The following RHBDD1 variants were observed in gnomAD, a reference collection of about 807,000 sequenced individuals.
RHBDD1 encodes rhomboid domain containing 1.
RHBDD1 carries 38 observed loss-of-function variants against 36.3 expected under a neutral mutation model. The observed-to-expected ratio is 1.05, with a 90% CI of 0.81 to 1.37. The LOEUF (loss-of-function observed/expected upper bound fraction) is 1.37. Among genes scored for constraint, RHBDD1 ranks in the 40% most tolerant of loss-of-function variants. The pLI is 0.00. For synonymous variants in RHBDD1, 151 were observed against 136.5 expected, an observed-to-expected ratio of 1.11 and a Z score of -0.74; for missense variants, 393 against 377.6, an observed-to-expected ratio of 1.04 and a Z score of -0.34.
intron 8 of RHBDD1, chr2:226,988,614 C>A (rs1181356267): frequency 9.6e-6 from 13 of 1,351,952 alleles, no homozygotes; most frequent in Non-Finnish European, 1.2e-5. Context: ...AGCTGCCCCT[C>A]CGAGCAGACA....
At chr2:226,833,080 T>G (rs543481499), upstream of RHBDD1, among the ~76,000 whole-genome samples, 1 of 152,258 alleles carries the variant, frequency 6.6e-6, no homozygotes, top group Admixed American at 6.5e-5. Flanking sequence ...GTCTGCATAG[T>G]CTACTGTTAA....
At chr2:226,915,235 G>A (rs1287418670) in intron 8 of RHBDD1, among the ~76,000 whole-genome samples, 1 of 152,138 alleles carries the variant, frequency 6.6e-6, no homozygotes, top group Admixed American at 6.5e-5. Context: ...AGAGGAGATA[G>A]CATTTGAGTT....
At chr2:226,995,219 A>G (rs1481332432) in intron 8 of RHBDD1, among the ~76,000 whole-genome samples, 1 of 152,274 alleles carries the variant, frequency 6.6e-6, no homozygotes, top group Non-Finnish European at 1.5e-5. Flanking sequence ...AAATGAGTCA[A>G]ATCAGATTCA....
intron 8 of RHBDD1, among the ~76,000 whole-genome samples, chr2:226,974,296 G>A (rs892843900): frequency 2.6e-5 from 4 of 151,974 alleles, no homozygotes; most frequent in Admixed American, 6.6e-5. Context: ...GGAGTGCAGT[G>A]GTGTGATCTC....
intron 8 of RHBDD1, among the ~76,000 whole-genome samples, chr2:226,963,568 C>A (rs1952388444): frequency 6.6e-6 from 1 of 152,092 alleles, no homozygotes; most frequent in African/African-American, 2.4e-5. Context: ...TTCATTGATT[C>A]CTTACTTTGT....
chr2:226,983,247 T>A (rs1295723367), intron 8 of RHBDD1, among the ~76,000 whole-genome samples: 1 of 152,060 alleles, frequency 6.6e-6, no homozygotes, highest in Non-Finnish European at 1.5e-5. Flanking sequence ...AACCCTAGAA[T>A]CTGCCTCTCA....
chr2:226,927,976 G>A (rs1949778768), intron 8 of RHBDD1, among the ~76,000 whole-genome samples: 1 of 152,078 alleles, frequency 6.6e-6, no homozygotes, highest in Admixed American at 6.6e-5. Flanking sequence ...ATTTATCAAT[G>A]TGTCAAGCAT....
chr2:226,907,581 T>G (rs1948161314), intron 6 of RHBDD1, among the ~76,000 whole-genome samples: 1 of 149,412 alleles, frequency 6.7e-6, no homozygotes, highest in South Asian at 2.1e-4. Flanking sequence ...ATGGGAAGTC[T>G]TCTGAGACTA....
chr2:226,939,079 C>T (rs975050612), intron 8 of RHBDD1, among the ~76,000 whole-genome samples: 5 of 152,100 alleles, frequency 3.3e-5, no homozygotes, highest in East Asian at 1.9e-4. Context: ...AATTCAACAT[C>T]GCTTCATGTT....
chr2:226,879,072 CAAAAAAA>C (rs916415771), intron 5 of RHBDD1, among the ~76,000 whole-genome samples: 12 of 84,100 alleles, frequency 1.4e-4, no homozygotes, highest in South Asian at 4.7e-4. Flanking sequence ...ACTGGCATTC[CAAAAAAA>C]AAAAAAAAAA....
At position 226,998,629 on chromosome 2, in the gene RHBDD1, C is replaced by T. The variant is rs1179330063; in HGVS notation, c.*3107C>T. The T allele has an allele frequency of 1.3e-5, 2 of 152,028 alleles. No individual in the cohort carries two copies. 9.4% of individuals were successfully genotyped at this position (152,028 alleles called of 1,614,324 possible). A position where few individuals can be genotyped will look rare whatever the true frequency, so the allele number is the denominator to read the frequency against. ...ATTTTATTTTAGAATCACAGACTCT[C>T]AGCTTAGAGAGTCACAGTATCTCAA... is the stretch of plus-strand genomic sequence containing the variant. On this transcript the variant is annotated 3_prime_UTR_variant, in exon 9 of 9. Coordinates refer to ENST00000392062, the MANE Select transcript of RHBDD1 (RefSeq NM_001167608.3).
chr2:226,813,994 ACTTT>A, the RHBDD1 span, among the ~76,000 whole-genome samples: 2 of 152,174 alleles, frequency 1.3e-5, no homozygotes, highest in African/African-American at 2.4e-5. Flanking sequence ...CACCAGATAT[ACTTT>A]CTATTTATTT....
intron 5 of RHBDD1, among the ~76,000 whole-genome samples, chr2:226,892,484 C>G (rs1031948656): frequency 7.2e-5 from 11 of 152,076 alleles, no homozygotes; most frequent in Non-Finnish European, 1.5e-4. Flanking sequence ...TTTGTACATG[C>G]GATACACTGA....
chr2:226,988,258 G>A lies in RHBDD1; in HGVS notation c.857-7173G>A, dbSNP rs959978848. 6 of 1,382,856 alleles carry A rather than the reference G, an allele frequency of 4.3e-6. No individual in the cohort carries two copies. The East Asian group carries it at 1.3e-4, about 29-fold the overall frequency. 85.7% of individuals were successfully genotyped at this position (1,382,856 alleles called of 1,614,324 possible). On this transcript the variant is annotated intron_variant, in intron 8 of 8. Transcript: ENST00000392062. ...GAGGTTGGGAGTAGGACTCATATCA[G>A]GGCCCTGAGGAGGCCACTGTAAGTC... is the stretch of plus-strand genomic sequence containing the variant.
intron 1 of RHBDD1, 123 bp from the exon 2 acceptor site, chr2:226,837,950 C>G (rs1231383312): frequency 6.6e-6 from 1 of 152,198 alleles, no homozygotes; most frequent in Non-Finnish European, 1.5e-5. Flanking sequence ...TCGTACAACT[C>G]CACGGTAGCA....
chr2:226,898,221 T>C (rs556623910), intron 5 of RHBDD1, among the ~76,000 whole-genome samples: 1 of 152,232 alleles, frequency 6.6e-6, no homozygotes, highest in Admixed American at 6.5e-5. Context: ...TGCGACCTAC[T>C]TGAACCAGCT....
chr2:226,946,464 G>C (rs1164606872), intron 8 of RHBDD1, among the ~76,000 whole-genome samples: 1 of 152,118 alleles, frequency 6.6e-6, no homozygotes, highest in Non-Finnish European at 1.5e-5. Context: ...AGTGTAGTTT[G>C]AAGTCAGAAG....
chr2:226,814,770 A>T, the RHBDD1 span, among the ~76,000 whole-genome samples: 1 of 152,210 alleles, frequency 6.6e-6, no homozygotes, highest in Non-Finnish European at 1.5e-5. Context: ...TGAGACATCT[A>T]ATCACTCTCC....
chr2:226,914,796 C>T (rs1437341809), intron 8 of RHBDD1, among the ~76,000 whole-genome samples: 2 of 152,168 alleles, frequency 1.3e-5, no homozygotes, highest in African/African-American at 2.4e-5. Flanking sequence ...TTCTGCTGAA[C>T]CAATCTGTCT....
Sources: allele counts gnomAD v4.1 joint callset (sites outside exome capture counted in the v4.1 genomes callset), GRCh38; gene constraint gnomAD v4.1.1; transcripts MANE v1.5; gene names NCBI Gene and HGNC (gene_info 2026-07-23, HGNC 2026-07-21).